The following AMBP variants were observed in gnomAD, a reference collection of about 807,000 sequenced individuals.
The protein encoded by AMBP is protein AMBP.
A neutral mutation model predicts 46.3 loss-of-function variants in AMBP; 37 were observed. The ratio of observed to expected loss-of-function variants is 0.80; its 90% CI spans 0.61 to 1.05. The LOEUF (loss-of-function observed/expected upper bound fraction) is 1.05, where lower values mean the gene tolerates loss of function less well. Ranked by LOEUF, AMBP falls within the 50% of genes least tolerant of loss-of-function variation. AMBP has a pLI of 0.00. For synonymous variants in AMBP, 174 were observed against 175.9 expected (o/e 0.99, Z 0.09); for missense variants, 475 against 461.2 (o/e 1.03, Z -0.27).
rs141362229 is a variant in AMBP, at chr9:114,074,037, G to C, written c.453C>G (p.Tyr151Ter). Residue 151 changes from tyrosine to a stop codon, truncating the protein, a stop_gained and splice_region_variant, in exon 4 of 10, where the codon TAC (tyrosine) becomes TAG (stop). Coordinates refer to ENST00000265132, the MANE Select transcript of AMBP (RefSeq NM_001633.4). LOFTEE classifies it high-confidence loss of function. ...HHGPTITAKL[Y>*]GRAPQLRETL... Reference sequence around the variant, plus strand: ...GCACATCTAGTAATGAGCCTTTACCGTAGAGCTTGGCAGTAATGGTGGGTC... The same window carrying C: ...GCACATCTAGTAATGAGCCTTTACCCTAGAGCTTGGCAGTAATGGTGGGTC... 6.2e-7 allele frequency: 1 copy of C among 1,613,462 alleles called. No homozygotes were observed. Among genetic ancestry groups the C allele is most frequent in the Non-Finnish European group, 8.5e-7 (1 of 1,179,418 alleles).
At chr9:114,060,887 C>G in intron 9 of AMBP, 38 bp downstream of exon 9, 4 of 1,593,174 alleles carry the variant, frequency 2.5e-6, no homozygotes, top group Non-Finnish European at 3.4e-6. Flanking sequence ...ACTCCAACAG[C>G]CCCTCGGCCC....
At chr9:114,070,793 T>C (rs1298803356) in intron 5 of AMBP, among the ~76,000 whole-genome samples, 4 of 151,946 alleles carry the variant, frequency 2.6e-5, no homozygotes, top group African/African-American at 9.7e-5. Flanking sequence ...GGAGGCTGTG[T>C]GTGAAGCCAC....
chr9:114,074,927 G>A (rs763274640), intron 3 of AMBP, 33 bp downstream of exon 3: 3 of 1,584,566 alleles, frequency 1.9e-6, no homozygotes, highest in South Asian at 2.2e-5. Flanking sequence ...AAGCAAAGGA[G>A]AGAATGCATG....
intron 7 of AMBP, 119 bp from the exon 8 acceptor site, chr9:114,061,710 T>A (rs1303142729): frequency 8.1e-7 from 1 of 1,241,828 alleles, no homozygotes; most frequent in African/African-American, 1.5e-5. Context: ...CAATTCTTTT[T>A]AGATAAGCAA....
At chr9:114,076,101 G>C (rs757506086) in intron 2 of AMBP, among the ~76,000 whole-genome samples, 42 of 152,098 alleles carry the variant, frequency 2.8e-4, no homozygotes, top group Non-Finnish European at 5.3e-4. Flanking sequence ...GGTCTTTCTG[G>C]TTACTGGGTG....
At chr9:114,076,842 C>G in intron 1 of AMBP, 102 bp from the exon 2 acceptor site, 1 of 1,387,866 alleles carries the variant, frequency 7.2e-7, no homozygotes, top group Non-Finnish European at 9.9e-7. Flanking sequence ...TCTTCCTCCT[C>G]CTTCTCCTCA....
At chr9:114,062,208 G>A (rs1005743436) in intron 7 of AMBP, among the ~76,000 whole-genome samples, 5 of 152,176 alleles carry the variant, frequency 3.3e-5, no homozygotes, top group South Asian at 4.1e-4. Flanking sequence ...TGTGACCCTA[G>A]TGCCCAGCAC....
Position 114,061,599 on chromosome 9 carries a change from G to A in AMBP, c.686-8C>T. On this transcript the variant is annotated splice_region_variant and splice_polypyrimidine_tract_variant and intron_variant, in intron 7 of 9. Transcript: ENST00000265132. ...AGCCCAGCTGGCAGGAATCTAGGGA[G>A]GGGCAGACCAGCAGCACTGACCAAG... 2 of 1,590,048 alleles carry A rather than the reference G, an allele frequency of 1.3e-6. No individual in the cohort carries two copies. Among genetic ancestry groups the A allele is most frequent in the Non-Finnish European group, 8.6e-7 (1 of 1,165,258 alleles).
rs1229453038 is a variant in AMBP at position 114,078,225 on chromosome 9, T to C, written c.-16A>G. 2 of 1,608,966 alleles carry C rather than the reference T, an allele frequency of 1.2e-6. No homozygotes were observed. The highest frequency in any genetic ancestry group is 1.1e-5 in the South Asian group (1 of 91,036). ...GGCTCCTCATGGCTATGGGCTCCTC[T>C]GCCTTGGTATATCCCACAGGCTCGG... On this transcript the variant is annotated 5_prime_UTR_variant, in exon 1 of 10. Coordinates refer to ENST00000265132, the MANE Select transcript of AMBP (RefSeq NM_001633.4).
At position 114,073,010 on chromosome 9, in the gene AMBP, C is replaced by G. The variant is rs766675130; in HGVS notation, c.471G>C (p.Leu157=). 5.6e-6 allele frequency: 9 copies of G among 1,613,554 alleles called. No homozygotes were observed. Among genetic ancestry groups the G allele is most frequent in the Non-Finnish European group, 7.6e-6 (9 of 1,179,728 alleles). Residue 157 remains leucine (L), a synonymous_variant, in exon 5 of 10, where the codon CTG becomes CTC. Transcript: ENST00000265132. Reference sequence around the variant, plus strand: ...TGAAGTCCTGCAGGAGAGTTTCCCTCAGCTGCGGCGCCCGCCCTGCAAGGA... The same window carrying G: ...TGAAGTCCTGCAGGAGAGTTTCCCTGAGCTGCGGCGCCCGCCCTGCAAGGA... ...TAKLYGRAPQ[L]RETLLQDFRV... is the part of the protein sequence containing the mutation.
intron 5 of AMBP, among the ~76,000 whole-genome samples, chr9:114,071,526 G>A (rs953950981): frequency 6.6e-6 from 1 of 152,244 alleles, no homozygotes; most frequent in Admixed American, 6.5e-5. Flanking sequence ...GCAGGAGGCT[G>A]ACAGGCTCCT....
intron 9 of AMBP, 108 bp downstream of exon 9, chr9:114,060,817 G>T (rs1307812430): frequency 2.3e-6 from 3 of 1,282,030 alleles, no homozygotes; most frequent in Non-Finnish European, 3.2e-6. Flanking sequence ...TGCTTACCAG[G>T]TACAGAGTCC....
chr9:114,061,635 G>C, intron 7 of AMBP, 44 bp from the exon 8 acceptor site: 1 of 1,530,304 alleles, frequency 6.5e-7, no homozygotes. Flanking sequence ...TGTTGACTGT[G>C]TACCCATTAT....
chr9:114,073,491 CTGTTT>C (rs1328196122), intron 4 of AMBP, among the ~76,000 whole-genome samples: 7 of 114,180 alleles, frequency 6.1e-5, no homozygotes, highest in Admixed American at 3.3e-4. Context: ...GTCTCAATCC[CTGTTT>C]TTTTTTTTTT....
rs774298812 is a variant in AMBP at position 114,072,961 on chromosome 9, T to C, written c.520A>G (p.Ile174Val). ...DFRVVAQGVG[I>V]PEDSIFTMAD... Reference sequence around the variant, plus strand: ...ATGGTGAAGATGGAGTCCTCAGGGATGCCCACACCCTGGGCAACCACTCTG... The same window carrying C: ...ATGGTGAAGATGGAGTCCTCAGGGACGCCCACACCCTGGGCAACCACTCTG... Residue 174 changes from isoleucine (I) to valine (V), a missense_variant, in exon 5 of 10, where the codon ATC (isoleucine) becomes GTC (valine). Ile to Val is a conservative substitution (Grantham distance 29, BLOSUM62 3). Around this residue, in one of 3 missense-constraint regions of AMBP, gnomAD observed 293 missense variants for 276.9 expected, o/e 1.06. Transcript: ENST00000265132. The C allele has an allele frequency of 1.2e-6, 2 of 1,613,802 alleles. No homozygotes were observed. The highest frequency in any genetic ancestry group is 3.3e-5 in the Admixed American group (2 of 59,994).
chr9:114,065,234 G>T (rs892523038), intron 6 of AMBP, among the ~76,000 whole-genome samples: 1 of 152,202 alleles, frequency 6.6e-6, no homozygotes, highest in East Asian at 1.9e-4. Context: ...TTGGAAATCA[G>T]ATTGTTCAGA....
At chr9:114,066,227 C>G (rs1452628906) in intron 6 of AMBP, among the ~76,000 whole-genome samples, 1 of 152,232 alleles carries the variant, frequency 6.6e-6, no homozygotes, top group African/African-American at 2.4e-5. Flanking sequence ...TCTGCCCTAT[C>G]CTGCCTTCAT....
chr9:114,072,883 C>A (rs79292436), intron 5 of AMBP, 42 bp downstream of exon 5: 41,595 of 1,588,512 alleles, frequency 0.026, 686 homozygotes, highest in East Asian at 0.056. Flanking sequence ...CCACAAGGGA[C>A]GAAGAGGGGA....
chr9:114,071,186 C>T (rs1846740616), intron 5 of AMBP, among the ~76,000 whole-genome samples: 1 of 152,228 alleles, frequency 6.6e-6, no homozygotes, highest in Admixed American at 6.5e-5. Context: ...TGGCTGTGGA[C>T]CCAGGCATTT....
Sources: allele counts gnomAD v4.1 joint callset (sites outside exome capture counted in the v4.1 genomes callset), GRCh38; gene constraint gnomAD v4.1.1; regional missense constraint gnomAD v4.1.1; transcripts MANE v1.5; gene names NCBI Gene and HGNC (gene_info 2026-07-23, HGNC 2026-07-21).